The following SMG6 variants were observed in gnomAD, a reference collection of about 807,000 sequenced individuals.
The protein encoded by SMG6 is SMG6 nonsense mediated mRNA decay factor.
SMG6 carries 66 observed loss-of-function variants against 142.2 expected under a neutral mutation model. That is an observed-to-expected ratio of 0.46 (90% CI 0.38 to 0.57). The LOEUF is 0.57. SMG6 is among the 20% of genes least tolerant of loss of function. The pLI is 0.00. For synonymous variants in SMG6, 779 were observed against 702.4 expected (o/e 1.11, Z -1.72); for missense variants, 1,793 against 1,832.0 (o/e 0.98, Z 0.39).
At chr17:2,242,736 A>G (rs1236423158) in intron 9 of SMG6, among the ~76,000 whole-genome samples, 1 of 149,506 alleles carries the variant, frequency 6.7e-6, no homozygotes, top group Non-Finnish European at 1.5e-5. Context: ...AAGAAGCAGG[A>G]GTACCATCAA....
At chr17:2,261,631 T>G (rs1025175523) in intron 8 of SMG6, among the ~76,000 whole-genome samples, 4 of 152,212 alleles carry the variant, frequency 2.6e-5, no homozygotes, top group Admixed American at 2.6e-4. Flanking sequence ...ATAAACAACT[T>G]TCTGCTACCC....
At chr17:2,232,734 T>C (rs2073534056) in intron 10 of SMG6, 1 of 151,594 alleles carries the variant, frequency 6.6e-6, no homozygotes, top group South Asian at 2.1e-4. Flanking sequence ...AACCCGTGAG[T>C]TTTAAGACCA....
intron 12 of SMG6, among the ~76,000 whole-genome samples, chr17:2,178,921 G>A (rs934726067): frequency 2.6e-5 from 4 of 152,168 alleles, no homozygotes; most frequent in African/African-American, 9.7e-5. Context: ...AGCACACACT[G>A]GACCCAAATA....
intron 13 of SMG6, chr17:2,101,591 T>C (rs956362838): frequency 1.3e-5 from 2 of 152,196 alleles, no homozygotes; most frequent in African/African-American, 4.8e-5. Context: ...TCACCAGCGC[T>C]ACCTTCCTGG....
intron 15 of SMG6, among the ~76,000 whole-genome samples, chr17:2,079,207 A>G (rs531231173): frequency 1.3e-5 from 2 of 152,244 alleles, no homozygotes; most frequent in Admixed American, 1.3e-4. Flanking sequence ...CAAATGATCC[A>G]CCCACCGTGG....
intron 13 of SMG6, among the ~76,000 whole-genome samples, chr17:2,141,059 A>T (rs1459642710): frequency 6.6e-6 from 1 of 152,230 alleles, no homozygotes; most frequent in Non-Finnish European, 1.5e-5. Flanking sequence ...TGTTTAATAC[A>T]GTAGCCACTA....
chr17:2,229,912 G>A (rs1177226938), intron 10 of SMG6, among the ~76,000 whole-genome samples: 3 of 151,958 alleles, frequency 2.0e-5, no homozygotes, highest in South Asian at 2.1e-4. Flanking sequence ...CAGGCCAAGC[G>A]CAGTGGCTCA....
intron 15 of SMG6, among the ~76,000 whole-genome samples, chr17:2,077,909 G>T (rs1597347647): frequency 6.6e-6 from 1 of 152,286 alleles, no homozygotes; most frequent in East Asian, 1.9e-4. Context: ...ACTAGTAAGG[G>T]TTCATGAGGG....
intron 13 of SMG6, chr17:2,088,430 G>A (rs923499713): frequency 1.0e-6 from 1 of 985,244 alleles, no homozygotes; most frequent in Admixed American, 6.2e-5. Flanking sequence ...CCCTCTCCCA[G>A]TTTTCATTTC....
rs973869044 is a variant in SMG6 at position 2,303,770 on chromosome 17, G to T, written c.-50C>A. On this transcript the variant is annotated 5_prime_UTR_variant, in exon 1 of 19. In the 5' UTR this introduces an upstream ATG that the reference lacks. Transcript: ENST00000263073. ...AGCGGCTCCGCCACCGCCGCGCGCA[G>T]CCAGGAAACCACCACAGACGGGCGG... 4.8e-6 allele frequency: 7 copies of T among 1,451,532 alleles called. No homozygotes were observed. The African/African-American group carries it at 7.4e-5, about 15-fold the overall frequency. 89.9% of individuals were successfully genotyped at this position (1,451,532 alleles called of 1,614,324 possible). A position where few individuals can be genotyped will look rare whatever the true frequency, so the allele number is the denominator to read the frequency against.
intron 13 of SMG6, among the ~76,000 whole-genome samples, chr17:2,090,811 T>C (rs1231225914): frequency 6.6e-6 from 1 of 152,240 alleles, no homozygotes; most frequent in African/African-American, 2.4e-5. Context: ...TATTCTCACA[T>C]TTGTTGAAAC....
chr17:2,227,105 G>C (rs1190844150), intron 10 of SMG6, among the ~76,000 whole-genome samples: 1 of 152,178 alleles, frequency 6.6e-6, no homozygotes, highest in Non-Finnish European at 1.5e-5. Flanking sequence ...TATAAAGAAA[G>C]TGGAATTCTC....
intron 12 of SMG6, among the ~76,000 whole-genome samples, chr17:2,176,001 C>T (rs2071642937): frequency 6.6e-6 from 1 of 152,182 alleles, no homozygotes; most frequent in Admixed American, 6.5e-5. Context: ...GACACAGTGA[C>T]TCTCTACAGG....
intron 13 of SMG6, among the ~76,000 whole-genome samples, chr17:2,113,996 G>A (rs999068721): frequency 6.6e-6 from 1 of 152,192 alleles, no homozygotes; most frequent in Non-Finnish European, 1.5e-5. Flanking sequence ...GGCCAGGCAC[G>A]GTGGCTCACG....
chr17:2,088,791 T>C (rs2068635591), intron 13 of SMG6: 3 of 985,306 alleles, frequency 3.0e-6, no homozygotes, highest in Admixed American at 6.2e-5. Flanking sequence ...AGAGAAACCT[T>C]CTGTCTGTAG....
chr17:2,080,498 A>T (rs1258671125), intron 15 of SMG6, among the ~76,000 whole-genome samples: 1 of 152,264 alleles, frequency 6.6e-6, no homozygotes, highest in Non-Finnish European at 1.5e-5. Context: ...CAGGGTGATT[A>T]GACAAATATC....
intron 8 of SMG6, among the ~76,000 whole-genome samples, chr17:2,257,750 G>A (rs573206740): frequency 6.6e-5 from 10 of 152,020 alleles, no homozygotes; most frequent in African/African-American, 2.2e-4. Flanking sequence ...TGGGCCTGGT[G>A]GCTCATGCTT....
At chr17:2,258,329 G>A (rs1170820679) in intron 8 of SMG6, among the ~76,000 whole-genome samples, 2 of 152,072 alleles carry the variant, frequency 1.3e-5, no homozygotes, top group Non-Finnish European at 2.9e-5. Context: ...GCTGACGCAG[G>A]CAGATCAACG....
chr17:2,283,252 T>G (rs1033787765), intron 7 of SMG6, among the ~76,000 whole-genome samples: 1 of 152,192 alleles, frequency 6.6e-6, no homozygotes, highest in South Asian at 2.1e-4. Context: ...CGGTATTTAT[T>G]TGACAATAAA....
Sources: gnomAD v4.1 joint callset for allele counts (sites outside exome capture counted in the v4.1 genomes callset) on GRCh38, gnomAD v4.1.1 for gene constraint, MANE v1.5 for transcripts, NCBI Gene and HGNC (gene_info 2026-07-23, HGNC 2026-07-21) for gene names.